The following KSR2 variants were observed in gnomAD, a reference collection of about 807,000 sequenced individuals.
KSR2 encodes the protein kinase suppressor of ras 2.
In KSR2, 25 loss-of-function variants were observed where a neutral mutation model predicts 107.8. The observed-to-expected ratio is 0.23, with a 90% CI of 0.17 to 0.32. The LOEUF (loss-of-function observed/expected upper bound fraction) is 0.32. Among genes scored for constraint, KSR2 ranks in the 10% least tolerant of loss-of-function variants. KSR2 has a pLI of 1.00. For synonymous variants in KSR2, 480 were observed against 507.0 expected (o/e 0.95, Z 0.71); for missense variants, 887 against 1,268.9 (o/e 0.70, Z 4.57).
intron 13 of KSR2, among the ~76,000 whole-genome samples, chr12:117,526,027 G>C (rs191630196): frequency 1.2e-4 from 18 of 152,132 alleles, no homozygotes; most frequent in African/African-American, 3.9e-4. Flanking sequence ...CCCCAGGGCC[G>C]GTGTGAGGTT....
chr12:117,947,214 AAAG>A lies in KSR2; in HGVS notation c.180+20859_180+20861del, dbSNP rs141329699. On this transcript the variant is annotated intron_variant, in intron 1 of 19. Coordinates refer to ENST00000339824, the MANE Select transcript of KSR2 (RefSeq NM_173598.6). Reference sequence around the variant, plus strand: ...AAGAAAGAAAAGAAAGAAAAGAAAGAAAGAAAGAAAGAAAGAAAGAAAGAAAGA... The same window carrying A: ...AAGAAAGAAAAGAAAGAAAAGAAAGAAAAGAAAGAAAGAAAGAAAGAAAGA... Among the ~76,000 whole-genome samples the A allele has an allele frequency of 1.6e-3, 135 of 84,114 alleles. 1 individual carries two copies. Among genetic ancestry groups the A allele is most frequent in the South Asian group, 0.013 (32 of 2,482 alleles). The allele number at this position is 84,114 out of a possible 152,430, so 55.2% of individuals were successfully genotyped here.
chr12:117,644,845 C>T (rs1319252953), intron 5 of KSR2, among the ~76,000 whole-genome samples: 1 of 152,212 alleles, frequency 6.6e-6, no homozygotes, highest in Non-Finnish European at 1.5e-5. Context: ...ATCACAGGTG[C>T]CCAACCCACA....
intron 7 of KSR2, among the ~76,000 whole-genome samples, chr12:117,576,981 C>T (rs1036603982): frequency 1.1e-4 from 16 of 152,128 alleles, no homozygotes; most frequent in Admixed American, 9.2e-4. Flanking sequence ...ACCACTGGGG[C>T]TTAAGGCTCC....
intron 1 of KSR2, among the ~76,000 whole-genome samples, chr12:117,920,891 G>A (rs558407383): frequency 1.3e-5 from 2 of 152,118 alleles, no homozygotes; most frequent in Non-Finnish European, 2.9e-5. Flanking sequence ...GCTAACTCCT[G>A]GGTGGCAAAC....
At position 117,840,110 on chromosome 12, in the gene KSR2, T is replaced by A. The variant is rs139945505; in HGVS notation, c.472+15318A>T. On this transcript the variant is annotated intron_variant, in intron 3 of 19. Coordinates refer to ENST00000339824, the MANE Select transcript of KSR2 (RefSeq NM_173598.6). ...ATTTTACTTTATTTTATTTTATTTT[T>A]TTTTTTGAGATGGAGTCTCCCTCTG... Among the ~76,000 whole-genome samples, 600 of 151,602 alleles carry A rather than the reference T, an allele frequency of 4.0e-3. 7 individuals carry two copies. The highest frequency in any genetic ancestry group is 0.012 in the African/African-American group (489 of 41,262).
intron 5 of KSR2, among the ~76,000 whole-genome samples, chr12:117,603,046 T>A (rs974845281): frequency 2.6e-5 from 4 of 152,230 alleles, no homozygotes; most frequent in Non-Finnish European, 5.9e-5. Flanking sequence ...GTGGCCTCTT[T>A]TCCATCCATC....
chr12:117,880,507 T>A (rs1459002650), intron 1 of KSR2, among the ~76,000 whole-genome samples: 1 of 151,896 alleles, frequency 6.6e-6, no homozygotes, highest in Non-Finnish European at 1.5e-5. Context: ...ATATTCAGAA[T>A]TGTCCTAATG....
intron 4 of KSR2, among the ~76,000 whole-genome samples, chr12:117,679,528 C>T (rs917226128): frequency 3.3e-5 from 5 of 152,188 alleles, no homozygotes; most frequent in Admixed American, 6.5e-5. Context: ...TGTATCACAT[C>T]CGCACCAGCA....
At chr12:117,619,650 T>TGAA in intron 5 of KSR2, among the ~76,000 whole-genome samples, 1 of 150,608 alleles carries the variant, frequency 6.6e-6, no homozygotes, top group Middle Eastern at 3.2e-3. Context: ...GTGAGTGTTG[T>TGAA]TATTAGTATT....
At chr12:117,695,741 G>A (rs1421039243) in intron 4 of KSR2, among the ~76,000 whole-genome samples, 2 of 151,624 alleles carry the variant, frequency 1.3e-5, no homozygotes, top group African/African-American at 2.4e-5. Context: ...AAGAAAAAAA[G>A]GAAAAAAGAG....
intron 3 of KSR2, among the ~76,000 whole-genome samples, chr12:117,785,966 AAGCTC>A (rs1367463225): frequency 3.9e-5 from 6 of 152,228 alleles, no homozygotes; most frequent in African/African-American, 1.4e-4. Flanking sequence ...CAAATTCTAA[AAGCTC>A]AGCAAACCCC....
At chr12:117,861,113 T>G (rs2137247700) in intron 1 of KSR2, among the ~76,000 whole-genome samples, 1 of 152,282 alleles carries the variant, frequency 6.6e-6, no homozygotes, top group Non-Finnish European at 1.5e-5. Flanking sequence ...GCTACTTCCC[T>G]ACAGTTCTGT....
In KSR2 at chr12:117,713,066, C is replaced by T. The variant is rs111547577; in HGVS notation, c.987-45408G>A. 4.4e-4 allele frequency among the ~76,000 whole-genome samples: 63 copies of T among 143,928 alleles called. 1 individual carries two copies. Among genetic ancestry groups the T allele is most frequent in the African/African-American group, 1.6e-3 (62 of 38,180 alleles). The allele number at this position is 143,928 out of a possible 152,430, so 94.4% of individuals were successfully genotyped here. On this transcript the variant is annotated intron_variant, in intron 4 of 19. Transcript: ENST00000339824. Reference sequence around the variant, plus strand: ...AGACAAATATATAAATATATATATACTTATATAGATAGATTATAGATATAG... The same window carrying T: ...AGACAAATATATAAATATATATATATTTATATAGATAGATTATAGATATAG...
At chr12:117,620,343 T>C (rs1261689341) in intron 5 of KSR2, among the ~76,000 whole-genome samples, 1 of 152,200 alleles carries the variant, frequency 6.6e-6, no homozygotes, top group African/African-American at 2.4e-5. Flanking sequence ...ACAGGAGTTA[T>C]TTGTTAAACT....
At chr12:117,782,164 G>A (rs565103455) in intron 3 of KSR2, among the ~76,000 whole-genome samples, 1 of 152,336 alleles carries the variant, frequency 6.6e-6, no homozygotes, top group African/African-American at 2.4e-5. Flanking sequence ...GCCTTGGTCA[G>A]CTTCTGGCCA....
intron 3 of KSR2, among the ~76,000 whole-genome samples, chr12:117,809,049 T>A (rs1028483491): frequency 6.6e-6 from 1 of 152,162 alleles, no homozygotes; most frequent in Non-Finnish European, 1.5e-5. Context: ...AATGACCATG[T>A]GGAGCAGACT....
intron 7 of KSR2, among the ~76,000 whole-genome samples, chr12:117,565,128 C>T (rs150947304): frequency 9.1e-4 from 139 of 152,298 alleles, no homozygotes; most frequent in Non-Finnish European, 1.5e-3. Flanking sequence ...TAGAGCCTGG[C>T]ACAGAGCTGG....
intron 10 of KSR2, among the ~76,000 whole-genome samples, chr12:117,537,380 A>G (rs1876127129): frequency 6.6e-6 from 1 of 152,222 alleles, no homozygotes; most frequent in Non-Finnish European, 1.5e-5. Flanking sequence ...GAGAAATGCA[A>G]ATAAAGATAG....
chr12:117,564,166 C>A (rs1399090737), intron 7 of KSR2, among the ~76,000 whole-genome samples: 1 of 152,192 alleles, frequency 6.6e-6, no homozygotes, highest in Non-Finnish European at 1.5e-5. Context: ...AACAGACTGC[C>A]CCCAGTAACG....
Sources: gnomAD v4.1 joint callset for allele counts (sites outside exome capture counted in the v4.1 genomes callset) on GRCh38, gnomAD v4.1.1 for gene constraint, MANE v1.5 for transcripts, NCBI Gene and HGNC (gene_info 2026-07-23, HGNC 2026-07-21) for gene names.